The following PPARGC1A variants were observed in gnomAD, a reference collection of about 807,000 sequenced individuals.
PPARGC1A encodes peroxisome proliferator-activated receptor gamma coactivator 1-alpha.
Under a neutral mutation model 88.7 loss-of-function variants are expected in PPARGC1A, and 25 were observed. The ratio of observed to expected loss-of-function variants is 0.28; its 90% CI spans 0.21 to 0.39. The LOEUF is 0.39. PPARGC1A is among the 10% of genes least tolerant of loss of function. The pLI is 1.00. For missense variants in PPARGC1A, 880 were observed against 968.7 expected (o/e 0.91, Z 1.22); for synonymous variants, 363 against 355.6 (o/e 1.02, Z -0.24).
At chr4:24,296,410 T>C in the PPARGC1A span, among the ~76,000 whole-genome samples, 5 of 152,120 alleles carry the variant, frequency 3.3e-5, no homozygotes, top group South Asian at 4.1e-4. Context: ...GTGTCTCCTA[T>C]TTTATGTTGC....
chr4:24,207,453 C>A, the PPARGC1A span, among the ~76,000 whole-genome samples: 1 of 152,146 alleles, frequency 6.6e-6, no homozygotes, highest in African/African-American at 2.4e-5. Context: ...TTCAGCAAGT[C>A]AGAAAATGGT....
the PPARGC1A span, among the ~76,000 whole-genome samples, chr4:24,032,089 C>A: frequency 6.6e-6 from 1 of 152,016 alleles, no homozygotes; most frequent in Admixed American, 6.6e-5. Flanking sequence ...GATTTAGCAG[C>A]GATATAGATG....
At chr4:24,275,885 T>C in the PPARGC1A span, among the ~76,000 whole-genome samples, 1 of 152,178 alleles carries the variant, frequency 6.6e-6, no homozygotes. Context: ...GGAAGAACTA[T>C]AGAGCTGCTT....
chr4:24,134,240 C>A, the PPARGC1A span, among the ~76,000 whole-genome samples: 30 of 152,330 alleles, frequency 2.0e-4, no homozygotes, highest in African/African-American at 7.2e-4. Flanking sequence ...AAGGGAAATA[C>A]AAATTTTGAT....
At chr4:24,248,703 A>C in the PPARGC1A span, among the ~76,000 whole-genome samples, 9 of 152,234 alleles carry the variant, frequency 5.9e-5, no homozygotes, top group East Asian at 1.7e-3. Flanking sequence ...CGCTACCTAC[A>C]TCATGGGCAC....
At chr4:23,986,883 C>T in the PPARGC1A span, among the ~76,000 whole-genome samples, 1 of 152,044 alleles carries the variant, frequency 6.6e-6, no homozygotes, top group Non-Finnish European at 1.5e-5. Context: ...CCACAAAATG[C>T]ATATCAGACA....
chr4:24,204,900 C>T, the PPARGC1A span, among the ~76,000 whole-genome samples: 4 of 152,210 alleles, frequency 2.6e-5, no homozygotes, highest in East Asian at 1.9e-4. Flanking sequence ...CCCGGCTCAC[C>T]GCAACCTCTA....
At chr4:23,846,495 T>C (rs1728348355) in intron 2 of PPARGC1A, among the ~76,000 whole-genome samples, 1 of 152,222 alleles carries the variant, frequency 6.6e-6, no homozygotes, top group African/African-American at 2.4e-5. Context: ...AAACTCAACA[T>C]TGTTTAACCT....
the PPARGC1A span, among the ~76,000 whole-genome samples, chr4:24,343,536 T>C: frequency 6.6e-6 from 1 of 152,206 alleles, no homozygotes; most frequent in African/African-American, 2.4e-5. Context: ...GATCCTAGAT[T>C]TCTGAGGCTC....
At chr4:24,348,705 T>C in the PPARGC1A span, among the ~76,000 whole-genome samples, 741 of 152,264 alleles carry the variant, frequency 4.9e-3, 6 homozygotes, top group African/African-American at 0.017. Flanking sequence ...TATTTCTCCC[T>C]TCACTTCTTA....
chr4:23,927,031 GTAAGTCATAAATATC>G, the PPARGC1A span, among the ~76,000 whole-genome samples: 1 of 152,184 alleles, frequency 6.6e-6, no homozygotes, highest in Non-Finnish European at 1.5e-5. Flanking sequence ...TAAATCCATT[GTAAGTCATAAATATC>G]TAAGTCAAAA....
Position 23,835,181 on chromosome 4 carries a change from A to G in PPARGC1A, c.235-3430T>C, listed in dbSNP as rs138261799. On this transcript the variant is annotated intron_variant, in intron 2 of 12. Transcript: ENST00000264867. ...TACTACAAGCCGTTATTTGCTTTCAATCACATAATACAATGGCGCCTTAGC... is the reference window on the plus strand; with the variant it reads ...TACTACAAGCCGTTATTTGCTTTCAGTCACATAATACAATGGCGCCTTAGC... Among the ~76,000 whole-genome samples, 46 of 152,326 alleles carry G rather than the reference A, an allele frequency of 3.0e-4. No individual in the cohort carries two copies. The East Asian group carries it at 6.8e-3, about 22-fold the overall frequency.
the PPARGC1A span, among the ~76,000 whole-genome samples, chr4:24,058,663 A>G: frequency 0.89 from 136,202 of 152,290 alleles, 60,957 homozygotes; most frequent in Admixed American, 0.94. Context: ...ATTAGAGCAC[A>G]TGGCTAGGCA....
chr4:24,035,368 C>T, the PPARGC1A span, among the ~76,000 whole-genome samples: 4 of 151,848 alleles, frequency 2.6e-5, no homozygotes, highest in South Asian at 2.1e-4. Context: ...GGTTAAACCC[C>T]GTCTCTACTA....
the PPARGC1A span, among the ~76,000 whole-genome samples, chr4:23,928,592 T>C: frequency 6.6e-6 from 1 of 152,040 alleles, no homozygotes; most frequent in Non-Finnish European, 1.5e-5. Context: ...AGCAATCCCA[T>C]TACTGAGTAT....
chr4:23,896,148 A>C (rs1259926017), intron 1 of PPARGC1A, among the ~76,000 whole-genome samples: 2 of 152,078 alleles, frequency 1.3e-5, no homozygotes, highest in East Asian at 3.9e-4. Context: ...TATCCTCAGA[A>C]AGAAGAAGAG....
At chr4:23,801,516 T>G (rs1032519054) in intron 12 of PPARGC1A, among the ~76,000 whole-genome samples, 3 of 152,186 alleles carry the variant, frequency 2.0e-5, no homozygotes, top group Non-Finnish European at 4.4e-5. Context: ...CCTGAGTAGA[T>G]AGTACAAAGA....
the PPARGC1A span, among the ~76,000 whole-genome samples, chr4:24,091,124 T>G: frequency 6.6e-6 from 1 of 152,210 alleles, no homozygotes; most frequent in Admixed American, 6.5e-5. Flanking sequence ...TATTAAATTT[T>G]TATATCGCAA....
At chr4:23,957,225 C>T in the PPARGC1A span, among the ~76,000 whole-genome samples, 1 of 152,094 alleles carries the variant, frequency 6.6e-6, no homozygotes. Context: ...GCAGTCAGCT[C>T]ACATGTCACT....
Sources: gnomAD v4.1 joint callset for allele counts (sites outside exome capture counted in the v4.1 genomes callset) on GRCh38, gnomAD v4.1.1 for gene constraint, MANE v1.5 for transcripts, NCBI Gene and HGNC (gene_info 2026-07-23, HGNC 2026-07-21) for gene names.